SHISA9: variants seen among roughly 807,000 people sequenced by gnomAD.
SHISA9 encodes shisa family member 9, also known as protein shisa-9.
SHISA9 carries 13 observed loss-of-function variants against 38.0 expected under a neutral mutation model. The observed-to-expected ratio is 0.34, with a 90% confidence interval of 0.22 to 0.54. The LOEUF is 0.54. SHISA9 is among the 20% of genes least tolerant of loss of function. The pLI is 0.91. For synonymous variants in SHISA9, 275 were observed against 242.0 expected (o/e 1.14, Z -1.27); for missense variants, 538 against 575.8 (o/e 0.93, Z 0.67).
At chr16:13,547,826 G>C in the SHISA9 span, among the ~76,000 whole-genome samples, 1 of 151,088 alleles carries the variant, frequency 6.6e-6, no homozygotes, top group Non-Finnish European at 1.5e-5. Flanking sequence ...GAATATTTAT[G>C]AAAATATCAA....
the SHISA9 span, among the ~76,000 whole-genome samples, chr16:13,335,370 C>G: frequency 5.3e-5 from 8 of 152,174 alleles, no homozygotes; most frequent in East Asian, 1.5e-3. Context: ...TATCTTGAAT[C>G]CTGATGGCTT....
intron 2 of SHISA9, among the ~76,000 whole-genome samples, chr16:13,002,093 A>G (rs567453827): frequency 6.6e-6 from 1 of 152,354 alleles, no homozygotes; most frequent in East Asian, 1.9e-4. Flanking sequence ...CTCCCTGGTG[A>G]TTGAAAACAC....
the SHISA9 span, among the ~76,000 whole-genome samples, chr16:13,259,075 A>T: frequency 6.6e-6 from 1 of 152,218 alleles, no homozygotes; most frequent in Non-Finnish European, 1.5e-5. Flanking sequence ...TGTAAAATCG[A>T]AAGCAAGCTA....
the SHISA9 span, among the ~76,000 whole-genome samples, chr16:13,399,294 G>A: frequency 2.0e-5 from 3 of 151,744 alleles, no homozygotes; most frequent in Admixed American, 2.0e-4. Context: ...AATTATGTAA[G>A]ACCTGGGTCC....
the SHISA9 span, among the ~76,000 whole-genome samples, chr16:13,390,827 C>G: frequency 1.3e-5 from 2 of 152,180 alleles, no homozygotes; most frequent in African/African-American, 4.8e-5. Context: ...AAAAGAAATA[C>G]TTAGGTGACT....
chr16:13,273,515 A>G, the SHISA9 span, among the ~76,000 whole-genome samples: 5 of 152,192 alleles, frequency 3.3e-5, 1 homozygote, highest in African/African-American at 1.2e-4. Flanking sequence ...CATCCATGTA[A>G]GATTTGACTT....
chr16:13,205,895 G>T (rs949928306), intron 3 of SHISA9, among the ~76,000 whole-genome samples: 4 of 151,770 alleles, frequency 2.6e-5, no homozygotes, highest in Non-Finnish European at 4.4e-5. Flanking sequence ...CCGAGTAGCT[G>T]AGGTTACAGG....
chr16:13,307,700 A>G, the SHISA9 span, among the ~76,000 whole-genome samples: 11 of 152,344 alleles, frequency 7.2e-5, no homozygotes, highest in African/African-American at 2.4e-4. Context: ...TAATTTTTCC[A>G]TTCTTTCTCC....
At chr16:13,095,948 A>G (rs77234347) in intron 2 of SHISA9, among the ~76,000 whole-genome samples, 2,265 of 152,260 alleles carry the variant, frequency 0.015, 47 homozygotes, top group African/African-American at 0.05. Flanking sequence ...TTCCAGTTGT[A>G]GTAAGTTCCC....
rs368269369 is a variant in SHISA9, at chr16:13,169,552, T to G, written c.692-33842T>G. On this transcript the variant is annotated intron_variant, in intron 2 of 4. Transcript: ENST00000558583. ...CATAAAGAATCCTTAATGTGAATTG[T>G]GGATGAAAAACCACAACTCTGGCTA... 4.6e-5 allele frequency among the ~76,000 whole-genome samples: 7 copies of G among 152,326 alleles called. No individual in the cohort carries two copies. In the East Asian group the frequency reaches 5.8e-4, roughly 13 times the overall value.
chr16:13,106,988 C>CTCTA (rs146529409), intron 2 of SHISA9, among the ~76,000 whole-genome samples: 19,328 of 151,656 alleles, frequency 0.13, 1,521 homozygotes, highest in East Asian at 0.2. Context: ...CTCTCTCTCT[C>CTCTA]TCTCTCTCTC....
chr16:13,372,923 G>A, the SHISA9 span, among the ~76,000 whole-genome samples: 1 of 44,714 alleles, frequency 2.2e-5, no homozygotes, highest in Non-Finnish European at 4.5e-5. Context: ...TAGATATACT[G>A]TTTAGTGTAT....
In SHISA9 at chr16:13,114,862, T is replaced by G. The variant is rs369008327; in HGVS notation, c.692-88532T>G. On this transcript the variant is annotated intron_variant, in intron 2 of 4. Transcript: ENST00000558583. ...TTCACTTAACATTATGCTTTGGGGCTTTATATATGTTTATAACTAGCTAAG... is the reference window on the plus strand; with the variant it reads ...TTCACTTAACATTATGCTTTGGGGCGTTATATATGTTTATAACTAGCTAAG... 3.9e-4 allele frequency among the ~76,000 whole-genome samples: 60 copies of G among 152,340 alleles called. 2 individuals are homozygous for G. The highest frequency in any genetic ancestry group is 1.4e-3 in the African/African-American group (59 of 41,586).
At chr16:12,936,020 G>A (rs1567344543) in intron 2 of SHISA9, among the ~76,000 whole-genome samples, 1 of 152,136 alleles carries the variant, frequency 6.6e-6, no homozygotes, top group Non-Finnish European at 1.5e-5. Context: ...AGAGTGAGGA[G>A]TGATGAAGCC....
At chr16:13,495,902 A>C in the SHISA9 span, among the ~76,000 whole-genome samples, 1 of 152,200 alleles carries the variant, frequency 6.6e-6, no homozygotes, top group Middle Eastern at 3.2e-3. Flanking sequence ...GATCAAAGAC[A>C]TGAAATAGAG....
intron 2 of SHISA9, among the ~76,000 whole-genome samples, chr16:12,931,314 A>G (rs2071458600): frequency 6.6e-6 from 1 of 152,194 alleles, no homozygotes; most frequent in African/African-American, 2.4e-5. Context: ...CAGGGGGACC[A>G]TGCACAGGTT....
At chr16:13,398,451 C>G in the SHISA9 span, among the ~76,000 whole-genome samples, 2 of 151,532 alleles carry the variant, frequency 1.3e-5, no homozygotes, top group Non-Finnish European at 2.9e-5. Flanking sequence ...TATTCGTCTT[C>G]CACTTGATCT....
chr16:13,188,718 A>C (rs2050853532), intron 2 of SHISA9, among the ~76,000 whole-genome samples: 1 of 63,854 alleles, frequency 1.6e-5, no homozygotes, highest in East Asian at 5.9e-4. Flanking sequence ...CCCTGTTTCA[A>C]AAAAAAAAAA....
chr16:12,969,506 G>A (rs2072027095), intron 2 of SHISA9, among the ~76,000 whole-genome samples: 1 of 152,090 alleles, frequency 6.6e-6, no homozygotes, highest in South Asian at 2.1e-4. Flanking sequence ...GACTTTGAGA[G>A]GCCTAGGCAG....
Sources: gnomAD v4.1 joint callset for allele counts (sites outside exome capture counted in the v4.1 genomes callset) on GRCh38, gnomAD v4.1.1 for gene constraint, MANE v1.5 for transcripts, NCBI Gene and HGNC (gene_info 2026-07-23, HGNC 2026-07-21) for gene names.